Variants in C3orf49 observed in about 807,000 individuals in gnomAD.
C3orf49 encodes the protein chromosome 3 open reading frame 49, also known as putative uncharacterized protein C3orf49.
In C3orf49, 27 loss-of-function variants were observed where a neutral mutation model predicts 13.3. The ratio of observed to expected loss-of-function variants is 2.02; its 90% CI spans 1.49 to 2.79. C3orf49 has a LOEUF of 2.79. Among genes scored for constraint, C3orf49 ranks in the 30% most tolerant of loss-of-function variants. The probability of loss-of-function intolerance (pLI) is 0.00; values close to 1 mark genes in which losing one functional copy is unlikely to be tolerated. For synonymous variants in C3orf49, 87 were observed against 47.6 expected, an observed-to-expected ratio of 1.83 and a Z score of -3.40; for missense variants, 242 against 134.2, an observed-to-expected ratio of 1.80 and a Z score of -3.97.
Position 63,834,060 on chromosome 3 carries a change from T to C in C3orf49, c.849+2216T>C. On this transcript the variant is annotated intron_variant, in intron 5 of 6. Coordinates refer to ENST00000295896, the MANE Select transcript of C3orf49 (RefSeq NM_001355236.2). ...CAAAACTTTAAATATCTCAAGAGCA[T>C]ACCACATTTTAAACACATTATGGTC... 2.0e-6 allele frequency: 3 copies of C among 1,468,258 alleles called. No homozygotes were observed. In the South Asian group the frequency reaches 3.5e-5, roughly 17 times the overall value. The allele number at this position is 1,468,258 out of a possible 1,614,324, so 91.0% of individuals were successfully genotyped here. A position where few individuals can be genotyped will look rare whatever the true frequency, so the allele number is the denominator to read the frequency against.
At chr3:63,785,065 C>CTTTTTTT in the C3orf49 span, among the ~76,000 whole-genome samples, 215 of 64,954 alleles carry the variant, frequency 3.3e-3, 3 homozygotes, top group Non-Finnish European at 3.7e-3. Flanking sequence ...TCTTCTTCTT[C>CTTTTTTT]TTTTTTTTTT....
intron 2 of C3orf49, among the ~76,000 whole-genome samples, chr3:63,825,022 T>A (rs1432771276): frequency 6.6e-6 from 1 of 152,130 alleles, no homozygotes; most frequent in Admixed American, 6.5e-5. Flanking sequence ...TATTGATATA[T>A]TACTATTATT....
At chr3:63,803,736 G>C in the C3orf49 span, among the ~76,000 whole-genome samples, 8 of 152,142 alleles carry the variant, frequency 5.3e-5, no homozygotes, top group African/African-American at 1.9e-4. Flanking sequence ...AACCTTTTTG[G>C]CACCAGGGAC....
rs901973653 is a variant in C3orf49, at chr3:63,834,036, A to C, written c.849+2192A>C. ...CTTAAAAACAGAGTATTTTACTGCC[A>C]AAACTTTAAATATCTCAAGAGCATA... On this transcript the variant is annotated intron_variant, in intron 5 of 6. Coordinates refer to ENST00000295896, the MANE Select transcript of C3orf49 (RefSeq NM_001355236.2). 12 of 1,278,724 alleles carry C rather than the reference A, an allele frequency of 9.4e-6. No homozygotes were observed. In the Admixed American group the frequency reaches 1.3e-4, roughly 14 times the overall value. 79.2% of individuals were successfully genotyped at this position (1,278,724 alleles called of 1,614,324 possible).
intron 5 of C3orf49, among the ~76,000 whole-genome samples, chr3:63,841,284 G>T (rs922951884): frequency 6.6e-6 from 1 of 152,188 alleles, no homozygotes; most frequent in African/African-American, 2.4e-5. Context: ...CAAGAAACTT[G>T]TAATAGCGGT....
intron 3 of C3orf49, among the ~76,000 whole-genome samples, chr3:63,828,332 C>T (rs1701492450): frequency 6.6e-6 from 1 of 152,170 alleles, no homozygotes; most frequent in African/African-American, 2.4e-5. Context: ...CAGAGTCTCA[C>T]TCTGTCGCCC....
At chr3:63,825,136 C>T (rs1177302704) in intron 2 of C3orf49, among the ~76,000 whole-genome samples, 1 of 152,100 alleles carries the variant, frequency 6.6e-6, no homozygotes, top group Non-Finnish European at 1.5e-5. Flanking sequence ...TAACATACAT[C>T]CACCATACAT....
At chr3:63,823,928 G>C (rs963677080) in intron 2 of C3orf49, among the ~76,000 whole-genome samples, 2 of 151,998 alleles carry the variant, frequency 1.3e-5, no homozygotes, top group African/African-American at 2.4e-5. Context: ...AGCCACCTGA[G>C]TAGCTCGAAC....
the C3orf49 span, among the ~76,000 whole-genome samples, chr3:63,803,779 G>T: frequency 6.6e-6 from 1 of 152,058 alleles, no homozygotes; most frequent in Non-Finnish European, 1.5e-5. Flanking sequence ...CACAGACCAG[G>T]GTTGAGTGGG....
At chr3:63,802,444 C>G in the C3orf49 span, among the ~76,000 whole-genome samples, 2 of 152,176 alleles carry the variant, frequency 1.3e-5, no homozygotes, top group Non-Finnish European at 2.9e-5. Context: ...GTTGTAGAAA[C>G]AGTTATTAAC....
intron 3 of C3orf49, among the ~76,000 whole-genome samples, chr3:63,828,085 G>A (rs1217623606): frequency 6.6e-6 from 1 of 152,342 alleles, no homozygotes; most frequent in East Asian, 1.9e-4. Context: ...GAAGATGTAA[G>A]TATGCATTGT....
chr3:63,837,169 T>G (rs1423222947), intron 5 of C3orf49, among the ~76,000 whole-genome samples: 1 of 151,964 alleles, frequency 6.6e-6, no homozygotes, highest in Non-Finnish European at 1.5e-5. Context: ...TGGATACAAA[T>G]TTTTTGAATT....
At position 63,835,287 on chromosome 3, in the gene C3orf49, T is replaced by C. The variant is rs373470489; in HGVS notation, c.849+3443T>C. 1.5e-4 allele frequency: 244 copies of C among 1,612,178 alleles called. No homozygotes were observed. In the African/African-American group the frequency reaches 2.0e-3, roughly 13 times the overall value. Reference sequence around the variant, plus strand: ...ATATATAGATATATAGACAGACAGATAGACAGATCATGAAGGCTAAATATA... The same window carrying C: ...ATATATAGATATATAGACAGACAGACAGACAGATCATGAAGGCTAAATATA... On this transcript the variant is annotated intron_variant, in intron 5 of 6. Transcript: ENST00000295896.
At chr3:63,784,739 T>C in the C3orf49 span, 16 of 152,076 alleles carry the variant, frequency 1.1e-4, no homozygotes, top group African/African-American at 3.9e-4. Flanking sequence ...ACCTGTAATC[T>C]CCCAGCTACT....
intron 3 of C3orf49, among the ~76,000 whole-genome samples, chr3:63,828,825 C>T (rs527452078): frequency 6.6e-6 from 1 of 152,082 alleles, no homozygotes; most frequent in East Asian, 1.9e-4. Flanking sequence ...AATTTGCCCA[C>T]GTAAGTGACA....
intron 5 of C3orf49, among the ~76,000 whole-genome samples, chr3:63,843,672 G>A (rs1701820371): frequency 6.6e-6 from 1 of 152,090 alleles, no homozygotes; most frequent in African/African-American, 2.4e-5. Context: ...AGGCCAAGGT[G>A]GGCGCATCAC....
chr3:63,799,101 C>T, the C3orf49 span, among the ~76,000 whole-genome samples: 13 of 152,130 alleles, frequency 8.5e-5, no homozygotes, highest in Admixed American at 4.6e-4. Flanking sequence ...GATTCCTGTG[C>T]GGCTGGAGCT....
At chr3:63,836,489 G>C in intron 5 of C3orf49, 1 of 787,746 alleles carries the variant, frequency 1.3e-6, no homozygotes, top group Non-Finnish European at 2.1e-6. Context: ...ACTGAAAGAT[G>C]AGTATTGCCA....
chr3:63,806,951 AT>A, the C3orf49 span, among the ~76,000 whole-genome samples: 47 of 148,438 alleles, frequency 3.2e-4, no homozygotes, highest in East Asian at 3.1e-3. Context: ...AGAATACCTC[AT>A]TTTTTTTTTC....
Sources: allele counts gnomAD v4.1 joint callset (sites outside exome capture counted in the v4.1 genomes callset), GRCh38; gene constraint gnomAD v4.1.1; transcripts MANE v1.5; gene names NCBI Gene and HGNC (gene_info 2026-07-23, HGNC 2026-07-21).